The following RALGAPA1 variants were observed in gnomAD, a reference collection of about 807,000 sequenced individuals.
RALGAPA1 encodes Ral GTPase activating protein catalytic subunit alpha 1.
In RALGAPA1, 52 loss-of-function variants were observed where a neutral mutation model predicts 269.6. That is an observed-to-expected ratio of 0.19 (90% CI 0.15 to 0.24). The LOEUF (loss-of-function observed/expected upper bound fraction) is 0.24, where lower values mean the gene tolerates loss of function less well. Among genes scored for constraint, RALGAPA1 ranks in the 10% least tolerant of loss-of-function variants. The pLI, the probability that RALGAPA1 is intolerant of heterozygous loss-of-function variation, is 1.00. For missense variants in RALGAPA1, 1,917 were observed against 3,013.9 expected (o/e 0.64, Z 8.52); for synonymous variants, 817 against 1,008.3 (o/e 0.81, Z 3.60).
chr14:35,766,131 C>T, intron 4 of RALGAPA1: 1 of 960,836 alleles, frequency 1.0e-6, no homozygotes, highest in South Asian at 1.3e-5. Context: ...GACCAGAAAT[C>T]CTGCTGCCTA....
intron 34 of RALGAPA1, 82 bp from the exon 35 acceptor site, chr14:35,625,514 C>T: frequency 1.0e-6 from 1 of 975,778 alleles, no homozygotes; most frequent in Non-Finnish European, 1.5e-6. Context: ...CCACTCTACT[C>T]ATGCAACTTT....
chr14:35,777,997 T>C (rs139651927), intron 1 of RALGAPA1, among the ~76,000 whole-genome samples: 1 of 152,192 alleles, frequency 6.6e-6, no homozygotes. Context: ...CAAAATAAAG[T>C]ACAGTAACAA....
chr14:35,729,735 C>T (rs2070295211), intron 12 of RALGAPA1, among the ~76,000 whole-genome samples: 1 of 152,082 alleles, frequency 6.6e-6, no homozygotes, highest in African/African-American at 2.4e-5. Flanking sequence ...GAAAAACAGC[C>T]AGAGTATGTG....
intron 39 of RALGAPA1, among the ~76,000 whole-genome samples, chr14:35,568,742 A>C (rs2056918784): frequency 6.6e-6 from 1 of 152,220 alleles, no homozygotes; most frequent in Admixed American, 6.5e-5. Context: ...GTTCCTCCTA[A>C]TGCTTCAAAC....
chr14:35,758,598 T>C (rs1172406767), intron 6 of RALGAPA1, among the ~76,000 whole-genome samples: 4 of 152,034 alleles, frequency 2.6e-5, no homozygotes, highest in Non-Finnish European at 5.9e-5. Context: ...AAAGAGTTGG[T>C]GTGGTGGTGT....
At chr14:35,727,309 G>GTATATATATATA in intron 13 of RALGAPA1, among the ~76,000 whole-genome samples, 1 of 44,920 alleles carries the variant, frequency 2.2e-5, no homozygotes, top group African/African-American at 9.1e-5. Context: ...GAAAATTATG[G>GTATATATATATA]CATATATATA....
In RALGAPA1 at chr14:35,683,839, C is replaced by G; in HGVS notation, c.4441G>C (p.Ala1481Pro). 1 of 1,603,440 alleles carries G rather than the reference C, an allele frequency of 6.2e-7. No individual in the cohort carries two copies. Among genetic ancestry groups the G allele is most frequent in the South Asian group, 1.1e-5 (1 of 89,332 alleles). ...DSETSSLNQQ[A>P]FSAEVATITG... is the part of the protein sequence containing the mutation. ...ATAGTTGCAACTTCAGCAGAGAAAG[C>G]TTGCTGATTAAGACTGCTTGTTTCA... Residue 1481 changes from alanine to proline, a missense_variant, in exon 21 of 42, where the codon GCT becomes CCT. Transcript: ENST00000680220.
At chr14:35,599,703 G>T (rs1031303617) in intron 36 of RALGAPA1, among the ~76,000 whole-genome samples, 4 of 152,148 alleles carry the variant, frequency 2.6e-5, no homozygotes, top group Non-Finnish European at 5.9e-5. Context: ...AATGAGCCGA[G>T]ATCATGCCAC....
chr14:35,564,079 A>G (rs560167824), intron 39 of RALGAPA1, among the ~76,000 whole-genome samples: 1 of 152,350 alleles, frequency 6.6e-6, no homozygotes, highest in South Asian at 2.1e-4. Flanking sequence ...GTAGATGATA[A>G]TAACGATAGC....
intron 16 of RALGAPA1, among the ~76,000 whole-genome samples, chr14:35,704,321 G>A (rs374359773): frequency 1.2e-4 from 18 of 152,054 alleles, no homozygotes; most frequent in African/African-American, 4.1e-4. Flanking sequence ...GTTAGCATAA[G>A]CAAAACCACA....
chr14:35,647,298 C>T (rs1444324455), intron 31 of RALGAPA1, among the ~76,000 whole-genome samples: 1 of 152,078 alleles, frequency 6.6e-6, no homozygotes, highest in African/African-American at 2.4e-5. Context: ...TTAGCCCAAG[C>T]CCATATTCAC....
chr14:35,540,784 G>T (rs1412844083), intron 41 of RALGAPA1, among the ~76,000 whole-genome samples: 1 of 152,104 alleles, frequency 6.6e-6, no homozygotes, highest in East Asian at 1.9e-4. Flanking sequence ...CACCACACAG[G>T]TTGCAGGTTT....
At chr14:35,708,451 G>A (rs965051911) in intron 16 of RALGAPA1, among the ~76,000 whole-genome samples, 1 of 152,142 alleles carries the variant, frequency 6.6e-6, no homozygotes, top group East Asian at 1.9e-4. Context: ...AAGATCGATA[G>A]ACATTTCTCA....
chr14:35,753,352 T>G (rs1439190449), intron 7 of RALGAPA1, among the ~76,000 whole-genome samples: 1 of 152,082 alleles, frequency 6.6e-6, no homozygotes, highest in Non-Finnish European at 1.5e-5. Context: ...GGGAGAAAGC[T>G]TTTTCCTACA....
chr14:35,612,103 A>G (rs1217889215), intron 35 of RALGAPA1, among the ~76,000 whole-genome samples: 3 of 152,076 alleles, frequency 2.0e-5, no homozygotes, highest in East Asian at 1.9e-4. Flanking sequence ...GCCAGGCACA[A>G]TGGCTCATGC....
intron 39 of RALGAPA1, among the ~76,000 whole-genome samples, chr14:35,558,539 T>G (rs370259440): frequency 6.6e-6 from 1 of 152,220 alleles, no homozygotes; most frequent in East Asian, 1.9e-4. Context: ...TAATGGCATG[T>G]TAATAAGGAA....
chr14:35,597,762 T>C (rs1025425536), intron 36 of RALGAPA1, among the ~76,000 whole-genome samples: 1 of 152,210 alleles, frequency 6.6e-6, no homozygotes, highest in African/African-American at 2.4e-5. Flanking sequence ...CTTCTATAAC[T>C]ATCATTTCAA....
intron 39 of RALGAPA1, among the ~76,000 whole-genome samples, chr14:35,565,128 A>T (rs1268466675): frequency 6.6e-6 from 1 of 151,982 alleles, no homozygotes; most frequent in Non-Finnish European, 1.5e-5. Context: ...CTATTTCTTG[A>T]CTTGTTGATA....
At chr14:35,730,852 T>G (rs2141036116) in intron 12 of RALGAPA1, among the ~76,000 whole-genome samples, 1 of 152,264 alleles carries the variant, frequency 6.6e-6, no homozygotes, top group African/African-American at 2.4e-5. Flanking sequence ...TAGGGCCCCA[T>G]CCACTGCCAG....
Sources: allele counts gnomAD v4.1 joint callset (sites outside exome capture counted in the v4.1 genomes callset), GRCh38; gene constraint gnomAD v4.1.1; transcripts MANE v1.5; gene names NCBI Gene and HGNC (gene_info 2026-07-23, HGNC 2026-07-21).